The following PPP2R5E variants were observed in gnomAD, a reference collection of about 807,000 sequenced individuals.
PPP2R5E encodes the protein protein phosphatase 2 regulatory subunit B'epsilon.
Under a neutral mutation model 65.3 loss-of-function variants are expected in PPP2R5E, and 4 were observed. The observed-to-expected ratio is 0.06, with a 90% confidence interval of 0.03 to 0.14. PPP2R5E has a LOEUF of 0.14. Ranked by LOEUF, PPP2R5E falls within the 10% of genes least tolerant of loss-of-function variation. The pLI is 1.00. For missense variants in PPP2R5E, 274 were observed against 556.1 expected, an observed-to-expected ratio of 0.49 and a Z score of 5.10; for synonymous variants, 183 against 187.4, an observed-to-expected ratio of 0.98 and a Z score of 0.19.
intron 11 of PPP2R5E, among the ~76,000 whole-genome samples, chr14:63,386,479 C>A (rs1884671905): frequency 1.3e-5 from 2 of 152,142 alleles, no homozygotes; most frequent in Admixed American, 6.5e-5. Context: ...AGTTCGCACA[C>A]TGGTGGGAGA....
intron 11 of PPP2R5E, among the ~76,000 whole-genome samples, chr14:63,388,776 TCCG>T (rs1239018291): frequency 6.6e-6 from 1 of 152,164 alleles, no homozygotes; most frequent in Non-Finnish European, 1.5e-5. Context: ...AGGGAAAAAG[TCCG>T]CCATCAAATG....
At chr14:63,496,733 C>G (rs1230116500) in intron 2 of PPP2R5E, among the ~76,000 whole-genome samples, 1 of 151,992 alleles carries the variant, frequency 6.6e-6, no homozygotes, top group Non-Finnish European at 1.5e-5. Context: ...GTAATCAAAA[C>G]TAATGGATGT....
chr14:63,470,076 C>A (rs1470830408), intron 2 of PPP2R5E, among the ~76,000 whole-genome samples: 1 of 151,208 alleles, frequency 6.6e-6, no homozygotes, highest in Non-Finnish European at 1.5e-5. Context: ...CTCCCCACAC[C>A]CCCCACTTTT....
At chr14:63,510,140 G>A (rs1892389302) in intron 2 of PPP2R5E, among the ~76,000 whole-genome samples, 1 of 152,172 alleles carries the variant, frequency 6.6e-6, no homozygotes, top group Non-Finnish European at 1.5e-5. Flanking sequence ...GGCAAAAAGG[G>A]ATAGGATGAA....
chr14:63,412,279 A>C lies in PPP2R5E; in HGVS notation c.549+2861T>G, dbSNP rs571759356. On this transcript the variant is annotated intron_variant, in intron 5 of 13. Transcript: ENST00000337537. The stretch of plus-strand genomic sequence containing the variant: ...CATAGCAAGACCCTGTTTGTTTAAA[A>C]AAGGGAAAAGAAGAGAAACATGCAG... Among the ~76,000 whole-genome samples the C allele has an allele frequency of 7.2e-5, 11 of 152,368 alleles. No homozygotes were observed. In the East Asian group the frequency reaches 1.9e-3, roughly 27 times the overall value.
At chr14:63,542,267 G>C (rs1019086981) in intron 1 of PPP2R5E, among the ~76,000 whole-genome samples, 2 of 152,170 alleles carry the variant, frequency 1.3e-5, no homozygotes, top group Admixed American at 1.3e-4. Flanking sequence ...AGGGAAACAG[G>C]TTTCGCCCTG....
At chr14:63,461,367 T>C (rs1249046418) in intron 2 of PPP2R5E, among the ~76,000 whole-genome samples, 1 of 151,682 alleles carries the variant, frequency 6.6e-6, no homozygotes, top group African/African-American at 2.4e-5. Flanking sequence ...AGTTTGTCAA[T>C]TTTTCTTCAG....
intron 2 of PPP2R5E, among the ~76,000 whole-genome samples, chr14:63,502,928 G>A (rs1459856206): frequency 2.0e-5 from 3 of 152,074 alleles, no homozygotes; most frequent in African/African-American, 7.2e-5. Context: ...AGGAGTTTGA[G>A]ACCAGCCTGG....
intron 10 of PPP2R5E, among the ~76,000 whole-genome samples, chr14:63,390,377 A>T (rs952784118): frequency 2.6e-5 from 4 of 151,958 alleles, no homozygotes; most frequent in Non-Finnish European, 5.9e-5. Context: ...TGAACTCAGC[A>T]CCGGGTGCCG....
intron 3 of PPP2R5E, among the ~76,000 whole-genome samples, chr14:63,424,931 A>G (rs1257920808): frequency 2.6e-5 from 4 of 152,180 alleles, no homozygotes; most frequent in Admixed American, 1.3e-4. Flanking sequence ...TGCTGTTCAG[A>G]GCATTGACTA....
At chr14:63,485,374 G>T (rs946843397) in intron 2 of PPP2R5E, among the ~76,000 whole-genome samples, 4 of 152,134 alleles carry the variant, frequency 2.6e-5, no homozygotes, top group Admixed American at 6.6e-5. Context: ...GAGTAACTGG[G>T]ACTACAGGCA....
intron 2 of PPP2R5E, among the ~76,000 whole-genome samples, chr14:63,483,015 A>G (rs1330103577): frequency 3.3e-5 from 5 of 152,176 alleles, no homozygotes; most frequent in Admixed American, 6.5e-5. Context: ...AAATAAGAAC[A>G]TAATATAGGC....
At chr14:63,522,461 G>T (rs1892961733) in intron 2 of PPP2R5E, among the ~76,000 whole-genome samples, 1 of 150,712 alleles carries the variant, frequency 6.6e-6, no homozygotes, top group Non-Finnish European at 1.5e-5. Flanking sequence ...AAAGTGAGGA[G>T]CGTCTCTGCC....
intron 13 of PPP2R5E, among the ~76,000 whole-genome samples, chr14:63,377,048 G>A (rs1319909127): frequency 2.0e-5 from 3 of 152,020 alleles, no homozygotes; most frequent in African/African-American, 7.2e-5. Flanking sequence ...CAGGAGAATC[G>A]CTTGAACCCG....
At chr14:63,521,217 C>T (rs1488677176) in intron 2 of PPP2R5E, among the ~76,000 whole-genome samples, 1 of 152,112 alleles carries the variant, frequency 6.6e-6, no homozygotes, top group Non-Finnish European at 1.5e-5. Context: ...CTTGAACTGC[C>T]TTTTAAAATG....
In PPP2R5E at chr14:63,372,298, T is replaced by G. The variant is rs1883730552; in HGVS notation, c.*3711A>C. 6.6e-6 allele frequency: 1 copy of G among 152,166 alleles called. No individual in the cohort carries two copies. Among genetic ancestry groups the G allele is most frequent in the Non-Finnish European group, 1.5e-5 (1 of 68,016 alleles). 9.4% of individuals were successfully genotyped at this position (152,166 alleles called of 1,614,324 possible). A position where few individuals can be genotyped will look rare whatever the true frequency, so the allele number is the denominator to read the frequency against. ...CAATCCTTCTTTTAGGTTTTCAAAATTAAATATAGAGGAATATAAAATGCA... is the reference window on the plus strand; with the variant it reads ...CAATCCTTCTTTTAGGTTTTCAAAAGTAAATATAGAGGAATATAAAATGCA... On this transcript the variant is annotated 3_prime_UTR_variant, in exon 14 of 14. Transcript: ENST00000337537.
chr14:63,525,785 A>G (rs1056629067), intron 2 of PPP2R5E, among the ~76,000 whole-genome samples: 1 of 152,196 alleles, frequency 6.6e-6, no homozygotes, highest in African/African-American at 2.4e-5. Context: ...TTGTTTCCTT[A>G]AGGTGCAATA....
At chr14:63,382,670 G>C (rs1260465530) in intron 12 of PPP2R5E, among the ~76,000 whole-genome samples, 1 of 152,088 alleles carries the variant, frequency 6.6e-6, no homozygotes, top group Non-Finnish European at 1.5e-5. Context: ...CAAAGTGCTG[G>C]GATTATAGGC....
At chr14:63,397,502 TAA>T (rs1163450765) in intron 5 of PPP2R5E, among the ~76,000 whole-genome samples, 7,091 of 61,790 alleles carry the variant, frequency 0.11, 426 homozygotes, top group African/African-American at 0.23. Flanking sequence ...ATTCGGTCTT[TAA>T]AAAAAAAAAA....
Sources: allele counts gnomAD v4.1 joint callset (sites outside exome capture counted in the v4.1 genomes callset), GRCh38; gene constraint gnomAD v4.1.1; transcripts MANE v1.5; gene names NCBI Gene and HGNC (gene_info 2026-07-23, HGNC 2026-07-21).